The following COL14A1 variants were observed in gnomAD, a reference collection of about 807,000 sequenced individuals.
COL14A1 encodes collagen alpha-1(XIV) chain.
A neutral mutation model predicts 230.3 loss-of-function variants in COL14A1; 136 were observed. That is an observed-to-expected ratio of 0.59 (90% confidence interval 0.51 to 0.68). COL14A1 has a LOEUF of 0.68. Ranked by LOEUF, COL14A1 falls within the 30% of genes least tolerant of loss-of-function variation. COL14A1 has a pLI of 0.00. For synonymous variants in COL14A1, 792 were observed against 784.1 expected (o/e 1.01, Z -0.17); for missense variants, 1,976 against 2,215.8 (o/e 0.89, Z 2.17).
chr8:120,271,522 A>C (rs1349108902), intron 26 of COL14A1, among the ~76,000 whole-genome samples: 2 of 151,646 alleles, frequency 1.3e-5, no homozygotes, highest in African/African-American at 4.8e-5. Context: ...TGTGTGTGAC[A>C]GTTATTTTAA....
chr8:120,199,677 T>C (rs1488265548), intron 8 of COL14A1, 111 bp downstream of exon 8: 26 of 1,141,608 alleles, frequency 2.3e-5, no homozygotes, highest in Non-Finnish European at 3.2e-5. Flanking sequence ...CTGAGCACTT[T>C]CTAGTCTTGG....
intron 1 of COL14A1, among the ~76,000 whole-genome samples, chr8:120,144,480 G>C (rs1815020679): frequency 6.6e-6 from 1 of 152,100 alleles, no homozygotes; most frequent in East Asian, 1.9e-4. Flanking sequence ...TTGTCATAAA[G>C]GCAAGGTTCA....
At chr8:120,253,578 T>C (rs1819044228) in intron 22 of COL14A1, among the ~76,000 whole-genome samples, 1 of 152,192 alleles carries the variant, frequency 6.6e-6, no homozygotes, top group Non-Finnish European at 1.5e-5. Flanking sequence ...TAATATAAGG[T>C]ATTTTAAAAA....
chr8:120,153,305 C>T (rs1365670936), intron 2 of COL14A1, among the ~76,000 whole-genome samples: 1 of 152,136 alleles, frequency 6.6e-6, no homozygotes, highest in East Asian at 1.9e-4. Flanking sequence ...ATCTCAGCCT[C>T]CTGAGTAGCT....
intron 9 of COL14A1, among the ~76,000 whole-genome samples, chr8:120,205,359 C>T (rs945216522): frequency 6.6e-5 from 10 of 152,124 alleles, no homozygotes. Context: ...CATTGACCTT[C>T]TTCTCTCTAC....
chr8:120,192,860 C>T (rs1006177550), intron 5 of COL14A1, among the ~76,000 whole-genome samples: 20 of 152,322 alleles, frequency 1.3e-4, no homozygotes, highest in African/African-American at 4.1e-4. Context: ...CTTCTGCATT[C>T]TTCACGTAGT....
chr8:120,136,959 CAAAAAAAAAAAAAA>C (rs34417716), intron 1 of COL14A1, among the ~76,000 whole-genome samples: 1 of 62,908 alleles, frequency 1.6e-5, no homozygotes, highest in Non-Finnish European at 2.7e-5. Context: ...GAGTCTGTCT[CAAAAAAAAAAAAAA>C]AAAAAAAAAA....
intron 45 of COL14A1, among the ~76,000 whole-genome samples, chr8:120,345,922 A>T (rs1238683719): frequency 6.6e-6 from 1 of 152,192 alleles, no homozygotes; most frequent in East Asian, 1.9e-4. Flanking sequence ...CTGACCAAAC[A>T]TGGCATCACA....
intron 2 of COL14A1, among the ~76,000 whole-genome samples, chr8:120,150,660 C>T (rs1815251562): frequency 6.6e-6 from 1 of 152,058 alleles, no homozygotes; most frequent in South Asian, 2.1e-4. Flanking sequence ...AGCAATGTTT[C>T]AGTCATAGTA....
intron 23 of COL14A1, among the ~76,000 whole-genome samples, chr8:120,256,027 C>A (rs1005530099): frequency 6.6e-6 from 1 of 152,024 alleles, no homozygotes; most frequent in African/African-American, 2.4e-5. Flanking sequence ...CCTCTTTTCC[C>A]AACATCAGCA....
At chr8:120,340,477 A>T (rs761770399) in intron 42 of COL14A1, among the ~76,000 whole-genome samples, 7 of 152,200 alleles carry the variant, frequency 4.6e-5, no homozygotes, top group Non-Finnish European at 8.8e-5. Context: ...TAACAACTGG[A>T]AACAGTCTGA....
At chr8:120,267,470 G>A (rs1195905093) in intron 25 of COL14A1, among the ~76,000 whole-genome samples, 2 of 151,898 alleles carry the variant, frequency 1.3e-5, no homozygotes, top group Non-Finnish European at 2.9e-5. Flanking sequence ...AAGAGAAATA[G>A]GTGCTTGCCT....
intron 42 of COL14A1, among the ~76,000 whole-genome samples, chr8:120,340,655 GC>G (rs1278027422): frequency 1.3e-5 from 2 of 152,014 alleles, no homozygotes; most frequent in Non-Finnish European, 2.9e-5. Flanking sequence ...CCCTGAAAAT[GC>G]CATTTTTAAA....
At position 120,231,568 on chromosome 8, in the gene COL14A1, G is replaced by C; in HGVS notation, c.2299G>C (p.Val767Leu). The C allele has an allele frequency of 6.2e-7, 1 of 1,614,024 alleles. No individual in the cohort carries two copies. The highest frequency in any genetic ancestry group is 2.2e-5 in the East Asian group (1 of 44,868). Residue 767 changes from valine to leucine, a missense_variant, in exon 19 of 48, where the codon GTG becomes CTG. By Grantham distance (32) the Val-to-Leu change is conservative (BLOSUM62 1). Coordinates refer to ENST00000297848, the MANE Select transcript of COL14A1 (RefSeq NM_021110.4). ...TGACAGCGATGTGCAGCAGTTTAGG[G>C]TGACCTACATGACAGCTCAAGGGGA... ...ISDSDVQQFR[V>L]TYMTAQGDPE...
chr8:120,152,082 C>T (rs1256397747), intron 2 of COL14A1, among the ~76,000 whole-genome samples: 1 of 151,984 alleles, frequency 6.6e-6, no homozygotes, highest in Non-Finnish European at 1.5e-5. Flanking sequence ...ACTTCTGACC[C>T]CTAGAACTGT....
At position 120,180,286 on chromosome 8, in the gene COL14A1, T is replaced by C. The variant is rs371497672; in HGVS notation, c.436+12039T>C. The stretch of plus-strand genomic sequence containing the variant: ...TAAAATTTGGAATTCCCACCATTTA[T>C]TTATTGGTCCTCATTAGAGCTAATT... On this transcript the variant is annotated intron_variant, in intron 5 of 47. Coordinates refer to ENST00000297848, the MANE Select transcript of COL14A1 (RefSeq NM_021110.4). Among the ~76,000 whole-genome samples the C allele has an allele frequency of 3.9e-5, 6 of 152,342 alleles. No individual in the cohort carries two copies. The East Asian group carries it at 9.6e-4, about 24-fold the overall frequency.
At chr8:120,256,767 G>T (rs921798895) in intron 23 of COL14A1, among the ~76,000 whole-genome samples, 3 of 152,182 alleles carry the variant, frequency 2.0e-5, no homozygotes, top group African/African-American at 7.2e-5. Flanking sequence ...ATATGGAAGG[G>T]TTGGCATTTA....
chr8:120,202,392 C>T (rs966947237), intron 8 of COL14A1, among the ~76,000 whole-genome samples: 6 of 152,158 alleles, frequency 3.9e-5, no homozygotes, highest in Admixed American at 3.3e-4. Flanking sequence ...GCACAGCCAG[C>T]CATCTAAGAA....
In COL14A1 at chr8:120,173,124, G is replaced by A. The variant is rs893293982; in HGVS notation, c.436+4877G>A. Among the ~76,000 whole-genome samples the A allele has an allele frequency of 3.3e-5, 5 of 151,824 alleles. No homozygotes were observed. The East Asian group carries it at 7.7e-4, about 23-fold the overall frequency. Reference sequence around the variant, plus strand: ...TTTTTCATTCTACATTTATTATTTGGCATTCTACTGTAAAGAAGCTTTCTC... The same window carrying A: ...TTTTTCATTCTACATTTATTATTTGACATTCTACTGTAAAGAAGCTTTCTC... On this transcript the variant is annotated intron_variant, in intron 5 of 47. Transcript: ENST00000297848.
Sources: gnomAD v4.1 joint callset for allele counts (sites outside exome capture counted in the v4.1 genomes callset) on GRCh38, gnomAD v4.1.1 for gene constraint, MANE v1.5 for transcripts, NCBI Gene and HGNC (gene_info 2026-07-23, HGNC 2026-07-21) for gene names.